Variants in CELF2 observed in about 807,000 individuals in gnomAD.
CELF2 encodes the protein CUG triplet repeat RNA-binding protein 2.
CELF2 carries 8 observed loss-of-function variants against 62.6 expected under a neutral mutation model. The ratio of observed to expected loss-of-function variants is 0.13; its 90% CI spans 0.07 to 0.23. The LOEUF (loss-of-function observed/expected upper bound fraction) is 0.23, where lower values mean the gene tolerates loss of function less well. CELF2 is among the 10% of genes least tolerant of loss of function. CELF2 has a pLI of 1.00. For missense variants in CELF2, 333 were observed against 671.0 expected, an observed-to-expected ratio of 0.50 and a Z score of 5.56; for synonymous variants, 258 against 250.0, an observed-to-expected ratio of 1.03 and a Z score of -0.30.
chr10:11,031,667 T>C (rs1469079876), intron 1 of CELF2, among the ~76,000 whole-genome samples: 2 of 152,226 alleles, frequency 1.3e-5, no homozygotes, highest in African/African-American at 4.8e-5. Flanking sequence ...TTCTTGCTAC[T>C]GATGCAAACA....
rs531141299 is a variant in CELF2 at position 11,326,079 on chromosome 10, C to A, written c.1438+100C>A. 7.4e-5 allele frequency: 89 copies of A among 1,196,828 alleles called. No individual in the cohort carries two copies. The African/African-American group carries it at 1.3e-3, about 17-fold the overall frequency. 74.1% of individuals were successfully genotyped at this position (1,196,828 alleles called of 1,614,324 possible). Reference sequence around the variant, plus strand: ...CAGTTTCAGCCAGGATAGGGCCTTCCCCACATTGTGTTGGGCTCTGATTTT... The same window carrying A: ...CAGTTTCAGCCAGGATAGGGCCTTCACCACATTGTGTTGGGCTCTGATTTT... On this transcript the variant is annotated intron_variant, in intron 12 of 12. Transcript: ENST00000633077.
At chr10:10,971,918 TG>T (rs2050796465) in intron 2 of CELF2, among the ~76,000 whole-genome samples, 1 of 152,204 alleles carries the variant, frequency 6.6e-6, no homozygotes, top group Non-Finnish European at 1.5e-5. Context: ...CTTTTCTTTT[TG>T]TTTTTATTGA....
chr10:11,235,809 T>C (rs182830215), intron 3 of CELF2, among the ~76,000 whole-genome samples: 1 of 150,044 alleles, frequency 6.7e-6, no homozygotes, highest in South Asian at 2.2e-4. Flanking sequence ...AAGTTTTTTT[T>C]GGGGGGTGGG....
intron 1 of CELF2, among the ~76,000 whole-genome samples, chr10:10,906,931 A>C (rs2063397682): frequency 6.6e-6 from 1 of 151,714 alleles, no homozygotes; most frequent in African/African-American, 2.4e-5. Flanking sequence ...GTTGGCCAGG[A>C]TGGTCTCAAT....
At chr10:10,476,278 G>A in the CELF2 span, among the ~76,000 whole-genome samples, 1 of 152,084 alleles carries the variant, frequency 6.6e-6, no homozygotes, top group African/African-American at 2.4e-5. Flanking sequence ...ATCCCAAGTA[G>A]GTTCAGTCAC....
chr10:11,019,300 CTAAGCTG>C (rs963342161), intron 1 of CELF2, among the ~76,000 whole-genome samples: 10 of 152,160 alleles, frequency 6.6e-5, no homozygotes, highest in Non-Finnish European at 1.5e-4. Context: ...GATAGCGGAT[CTAAGCTG>C]TAATTAATCT....
intron 1 of CELF2, among the ~76,000 whole-genome samples, chr10:11,149,596 C>T (rs539950226): frequency 2.6e-5 from 4 of 152,262 alleles, no homozygotes; most frequent in South Asian, 2.1e-4. Context: ...GTGAGGGTGG[C>T]GTCAGGACAC....
At chr10:10,637,659 A>T in the CELF2 span, among the ~76,000 whole-genome samples, 5 of 152,198 alleles carry the variant, frequency 3.3e-5, no homozygotes, top group Non-Finnish European at 5.9e-5. Context: ...CTTCCTTGGC[A>T]GGCACAGGAT....
At position 11,242,177 on chromosome 10, in the gene CELF2, A is replaced by T. The variant is rs1386631332; in HGVS notation, c.355-6976A>T. ...ACGGCTGCTCTCTCCAGGGGTCAGG[A>T]TGGGTTTAATAATGAGATGCGTAAC... On this transcript the variant is annotated intron_variant, in intron 3 of 12. Transcript: ENST00000633077. The surrounding 1 kb of genome is among the most constrained non-coding windows in gnomAD (Gnocchi z 4.8). Among the ~76,000 whole-genome samples, 1 of 152,118 alleles carries T rather than the reference A, an allele frequency of 6.6e-6. No individual in the cohort carries two copies. Among genetic ancestry groups the T allele is most frequent in the Non-Finnish European group, 1.5e-5 (1 of 68,034 alleles).
At chr10:11,029,452 A>G (rs1308525230) in intron 1 of CELF2, among the ~76,000 whole-genome samples, 1 of 152,170 alleles carries the variant, frequency 6.6e-6, no homozygotes, top group Non-Finnish European at 1.5e-5. Flanking sequence ...GTGTGAATCC[A>G]TTGTTGAGGA....
the CELF2 span, among the ~76,000 whole-genome samples, chr10:10,716,554 A>G: frequency 6.6e-6 from 1 of 152,222 alleles, no homozygotes; most frequent in Non-Finnish European, 1.5e-5. Context: ...AAGGGGAAAA[A>G]AAATCATTGA....
chr10:10,922,594 G>A (rs1045433171), intron 2 of CELF2: 1 of 152,192 alleles, frequency 6.6e-6, no homozygotes, highest in African/African-American at 2.4e-5. Context: ...ATATTCCCCA[G>A]GAATGATCTT....
At chr10:10,718,321 C>T in the CELF2 span, among the ~76,000 whole-genome samples, 3 of 152,096 alleles carry the variant, frequency 2.0e-5, no homozygotes, top group African/African-American at 4.8e-5. Flanking sequence ...CAATTCCCCA[C>T]AGACAAATCC....
intron 1 of CELF2, among the ~76,000 whole-genome samples, chr10:11,115,197 T>C (rs1017934361): frequency 6.6e-6 from 1 of 152,234 alleles, no homozygotes; most frequent in African/African-American, 2.4e-5. Context: ...TCTACACAAA[T>C]TGATTTTTTC....
chr10:10,802,184 T>C (rs2054734832), intron 1 of CELF2, among the ~76,000 whole-genome samples: 1 of 152,106 alleles, frequency 6.6e-6, no homozygotes. Flanking sequence ...ATTAAAAGAA[T>C]AAAATAGGCT....
the CELF2 span, among the ~76,000 whole-genome samples, chr10:10,554,114 G>A: frequency 2.0e-5 from 3 of 152,250 alleles, no homozygotes; most frequent in Non-Finnish European, 2.9e-5. Context: ...ATGTAGGAAT[G>A]AGCATGTGTC....
chr10:11,131,628 A>G (rs1747718), intron 1 of CELF2, among the ~76,000 whole-genome samples: 40,086 of 152,166 alleles, frequency 0.26, 6,383 homozygotes, highest in East Asian at 0.76. Flanking sequence ...GTATGGATCC[A>G]TGGAGGAAGG....
intron 8 of CELF2, 73 bp from the exon 9 acceptor site, chr10:11,288,345 G>C (rs1397526448): frequency 7.0e-6 from 11 of 1,568,800 alleles, no homozygotes; most frequent in Non-Finnish European, 8.7e-6. Flanking sequence ...ACGATTTGAT[G>C]AGCCTGCTCT....
chr10:10,984,026 C>T (rs2052449956), intron 2 of CELF2, among the ~76,000 whole-genome samples: 1 of 152,162 alleles, frequency 6.6e-6, no homozygotes, highest in Admixed American at 6.5e-5. Context: ...TTAAAGACCT[C>T]AGTGTTGAAA....
Sources: allele counts gnomAD v4.1 joint callset (sites outside exome capture counted in the v4.1 genomes callset), GRCh38; gene constraint gnomAD v4.1.1; non-coding constraint Gnocchi (gnomAD v3.1); transcripts MANE v1.5; gene names NCBI Gene and HGNC (gene_info 2026-07-23, HGNC 2026-07-21).